Variants in IRAK2 observed in about 807,000 individuals in gnomAD.
IRAK2 encodes the protein interleukin-1 receptor-associated kinase-like 2.
IRAK2 carries 57 observed loss-of-function variants against 72.0 expected under a neutral mutation model. That is an observed-to-expected ratio of 0.79 (90% CI 0.64 to 0.99). The LOEUF (loss-of-function observed/expected upper bound fraction) is 0.99. Among genes scored for constraint, IRAK2 ranks in the 50% least tolerant of loss-of-function variants. The pLI is 0.00. For synonymous variants in IRAK2, 293 were observed against 312.7 expected (o/e 0.94, Z 0.67); for missense variants, 790 against 794.4 (o/e 0.99, Z 0.07).
chr3:10,183,746 A>AAT (rs1697001075), intron 2 of IRAK2, among the ~76,000 whole-genome samples: 1 of 152,018 alleles, frequency 6.6e-6, no homozygotes, highest in African/African-American at 2.4e-5. Flanking sequence ...TAAATAAATA[A>AAT]GAGAATTAGA....
chr3:10,224,918 T>C lies in IRAK2; in HGVS notation c.1210-1453T>C, dbSNP rs181932713. On this transcript the variant is annotated intron_variant, in intron 9 of 12. Transcript: ENST00000256458. ...GGGATCACAGTGCATTGCTCAGTGT[T>C]TTTTGGTGAGTGCTCAGTGACCTCT... 2.4e-3 allele frequency among the ~76,000 whole-genome samples: 362 copies of C among 150,752 alleles called. 2 individuals are homozygous for C. Among genetic ancestry groups the C allele is most frequent in the African/African-American group, 8.5e-3 (348 of 41,034 alleles).
intron 1 of IRAK2, among the ~76,000 whole-genome samples, chr3:10,175,117 T>C (rs1328120413): frequency 6.6e-6 from 1 of 151,872 alleles, no homozygotes; most frequent in African/African-American, 2.4e-5. Flanking sequence ...ATTTTTAAAT[T>C]TTTATTTATT....
chr3:10,234,975 G>T (rs1294262967), intron 11 of IRAK2, among the ~76,000 whole-genome samples: 2 of 152,214 alleles, frequency 1.3e-5, no homozygotes, highest in African/African-American at 4.8e-5. Flanking sequence ...TCTCTGGAGG[G>T]AACGGCTCTG....
chr3:10,241,014 C>G (rs1467747013), intron 12 of IRAK2, among the ~76,000 whole-genome samples: 1 of 151,754 alleles, frequency 6.6e-6, no homozygotes, highest in Non-Finnish European at 1.5e-5. Context: ...TTTCACTCCA[C>G]CCTCCCACCC....
rs1369999339 is a variant in IRAK2, at chr3:10,165,019, C to T, written c.65C>T (p.Ala22Val). ...GACGACCTGTGCCGCAACATGGACGCGCTCAGCGAGTGGGACTGGATGGAG... is the reference window on the plus strand; with the variant it reads ...GACGACCTGTGCCGCAACATGGACGTGCTCAGCGAGTGGGACTGGATGGAG... ...VLDDLCRNMD[A>V]LSEWDWMEFA... The change falls in exon 1 of 13, where the codon GCG (alanine) becomes GTG (valine). Residue 22 changes from alanine to valine, a missense_variant. Coordinates refer to ENST00000256458, the MANE Select transcript of IRAK2 (RefSeq NM_001570.4). The T allele has an allele frequency of 2.5e-6, 4 of 1,611,700 alleles. No individual in the cohort carries two copies. The highest frequency in any genetic ancestry group is 2.2e-5 in the South Asian group (2 of 90,946).
rs1186848457 is a variant in IRAK2, at chr3:10,222,679, C to T, written c.1057C>T (p.His353Tyr). 6.2e-7 allele frequency: 1 copy of T among 1,614,160 alleles called. No homozygotes were observed. Among genetic ancestry groups the T allele is most frequent in the South Asian group, 1.1e-5 (1 of 91,082 alleles). Residue 353 changes from histidine (H) to tyrosine (Y), a missense_variant, in exon 9 of 13, where the codon CAC becomes TAC. By Grantham distance (83) the His-to-Tyr change is moderately conservative. Transcript: ENST00000256458. The part of the protein sequence containing the change: ...LDQNLTPKLA[H>Y]PMAHLCPVNK... The stretch of plus-strand genomic sequence containing the variant: ...CCAAAATCTCACCCCCAAACTTGCT[C>T]ACCCAATGGCTCATCTGTGTCCTGT...
At chr3:10,217,966 A>C (rs909736063) in intron 7 of IRAK2, among the ~76,000 whole-genome samples, 1 of 152,228 alleles carries the variant, frequency 6.6e-6, no homozygotes, top group South Asian at 2.1e-4. Flanking sequence ...TCTCTGACAC[A>C]TAGAGACAAA....
chr3:10,192,464 T>G (rs916404884), intron 2 of IRAK2, among the ~76,000 whole-genome samples: 3 of 152,244 alleles, frequency 2.0e-5, no homozygotes, highest in Non-Finnish European at 4.4e-5. Context: ...CCTTTAGTCC[T>G]TTCTCCTGAA....
At position 10,242,097 on chromosome 3, in the gene IRAK2, G is replaced by C. The variant is rs200671387; in HGVS notation, c.1766-19G>C. On this transcript the variant is annotated intron_variant, in intron 12 of 12. Coordinates refer to ENST00000256458, the MANE Select transcript of IRAK2 (RefSeq NM_001570.4). ...ACTTTCATTCAAGTCGCTCTTGTTT[G>C]CTTTCTGTTGAACATCAGTTACAGA... is the stretch of plus-strand genomic sequence containing the variant. The C allele has an allele frequency of 1.0e-3, 1,461 of 1,399,708 alleles. No homozygotes were observed. Among genetic ancestry groups the C allele is most frequent in the Non-Finnish European group, 1.3e-3 (1,286 of 991,510 alleles). The allele number at this position is 1,399,708 out of a possible 1,614,324, so 86.7% of individuals were successfully genotyped here. A position where few individuals can be genotyped will look rare whatever the true frequency, so the allele number is the denominator to read the frequency against.
At chr3:10,171,200 C>T (rs2125139461) in intron 1 of IRAK2, among the ~76,000 whole-genome samples, 1 of 152,346 alleles carries the variant, frequency 6.6e-6, no homozygotes, top group Middle Eastern at 3.4e-3. Flanking sequence ...GGGCTCGGCG[C>T]AGGGGCTCTT....
At chr3:10,231,714 C>G (rs1697864247) in intron 10 of IRAK2, among the ~76,000 whole-genome samples, 1 of 152,136 alleles carries the variant, frequency 6.6e-6, no homozygotes, top group Non-Finnish European at 1.5e-5. Context: ...TGGGATGTCA[C>G]TTTGTTGCCC....
intron 2 of IRAK2, among the ~76,000 whole-genome samples, chr3:10,179,056 T>C (rs1696920925): frequency 6.6e-6 from 1 of 152,162 alleles, no homozygotes; most frequent in Admixed American, 6.5e-5. Context: ...AGTGCTGGGA[T>C]TGCAGGCATG....
rs188806734 is a variant in IRAK2, at chr3:10,240,669, C to A, written c.1766-1447C>A. The stretch of plus-strand genomic sequence containing the variant: ...CCGCCTCCCGGGTTCAAGTGATTCT[C>A]CTGTCTCAGCCTCCCGAGTAGCTGG... On this transcript the variant is annotated intron_variant, in intron 12 of 12. Transcript: ENST00000256458. 5.0e-3 allele frequency among the ~76,000 whole-genome samples: 738 copies of A among 147,508 alleles called. 12 individuals are homozygous for A. Among genetic ancestry groups the A allele is most frequent in the African/African-American group, 0.018 (703 of 39,906 alleles).
chr3:10,171,539 G>C (rs951868651), intron 1 of IRAK2, among the ~76,000 whole-genome samples: 2 of 152,118 alleles, frequency 1.3e-5, no homozygotes, highest in Non-Finnish European at 2.9e-5. Flanking sequence ...TGCCTCGGGT[G>C]AACTCCTGCA....
chr3:10,186,289 C>T (rs753258745), intron 2 of IRAK2, among the ~76,000 whole-genome samples: 1 of 151,734 alleles, frequency 6.6e-6, no homozygotes, highest in Non-Finnish European at 1.5e-5. Context: ...TAATCTCCAG[C>T]TTTTATCAGA....
chr3:10,219,875 A>G (rs1697662313), intron 8 of IRAK2, 86 bp downstream of exon 8: 1 of 837,964 alleles, frequency 1.2e-6, no homozygotes, highest in Non-Finnish European at 2.0e-6. Context: ...CCGCTCCGCC[A>G]CTCACCCCTG....
At chr3:10,240,993 G>A (rs1177351781) in intron 12 of IRAK2, among the ~76,000 whole-genome samples, 1 of 151,904 alleles carries the variant, frequency 6.6e-6, no homozygotes, top group African/African-American at 2.4e-5. Flanking sequence ...AAGACAGGAT[G>A]TGAGCATTTT....
At chr3:10,237,248 T>G (rs1307502216) in intron 11 of IRAK2, among the ~76,000 whole-genome samples, 4 of 152,170 alleles carry the variant, frequency 2.6e-5, no homozygotes, top group Non-Finnish European at 4.4e-5. Flanking sequence ...CCTTGAAGGA[T>G]GAGACGTTTG....
intron 11 of IRAK2, among the ~76,000 whole-genome samples, chr3:10,238,042 A>G (rs1343408168): frequency 6.6e-6 from 1 of 151,554 alleles, no homozygotes; most frequent in African/African-American, 2.4e-5. Context: ...CCAGGGCAAC[A>G]TCTATATTAT....
Sources: gnomAD v4.1 joint callset for allele counts (sites outside exome capture counted in the v4.1 genomes callset) on GRCh38, gnomAD v4.1.1 for gene constraint, MANE v1.5 for transcripts, NCBI Gene and HGNC (gene_info 2026-07-23, HGNC 2026-07-21) for gene names.